PRKN: variants seen among roughly 807,000 people sequenced by gnomAD.
PRKN encodes parkin RBR E3 ubiquitin protein ligase, also known as E3 ubiquitin-protein ligase parkin.
Under a neutral mutation model 59.5 loss-of-function variants are expected in PRKN, and 56 were observed. The ratio of observed to expected loss-of-function variants is 0.94; its 90% CI spans 0.76 to 1.18. The LOEUF is 1.18. Ranked by LOEUF, PRKN falls within the 50% of genes most tolerant of loss-of-function variation. The probability of loss-of-function intolerance (pLI) is 0.00; values close to 1 mark genes in which losing one functional copy is unlikely to be tolerated. For missense variants in PRKN, 657 were observed against 596.4 expected, an observed-to-expected ratio of 1.10 and a Z score of -1.06; for synonymous variants, 250 against 222.1, an observed-to-expected ratio of 1.13 and a Z score of -1.12.
intron 7 of PRKN, chr6:161,783,622 G>A: frequency 2.0e-6 from 1 of 499,932 alleles, no homozygotes; most frequent in East Asian, 5.6e-5. Flanking sequence ...GTGAAGGGAA[G>A]ACTTGAAAAT....
At chr6:162,472,115 C>A (rs183430272) in intron 1 of PRKN, among the ~76,000 whole-genome samples, 2 of 152,244 alleles carry the variant, frequency 1.3e-5, no homozygotes, top group East Asian at 3.9e-4. Context: ...TAGGAAGATA[C>A]ACTTAATGAA....
At chr6:162,177,763 G>A (rs1783607028) in intron 4 of PRKN, among the ~76,000 whole-genome samples, 1 of 152,132 alleles carries the variant, frequency 6.6e-6, no homozygotes, top group Non-Finnish European at 1.5e-5. Context: ...ATTAAAGAGA[G>A]TGCTTTGCAC....
At chr6:162,371,439 T>G (rs1390621714) in intron 2 of PRKN, among the ~76,000 whole-genome samples, 1 of 152,142 alleles carries the variant, frequency 6.6e-6, no homozygotes, top group East Asian at 1.9e-4. Context: ...TCAGCTGAAT[T>G]CTGGGATGTG....
At chr6:162,422,919 C>A (rs530801871) in intron 2 of PRKN, among the ~76,000 whole-genome samples, 32 of 134,114 alleles carry the variant, frequency 2.4e-4, no homozygotes, top group Non-Finnish European at 4.6e-4. Context: ...GCGCTCCAGC[C>A]TGGGCGACAG....
In PRKN at chr6:161,671,162, A is replaced by T. The variant is rs538143931; in HGVS notation, c.872-101746T>A. On this transcript the variant is annotated intron_variant, in intron 7 of 11. Coordinates refer to ENST00000366898, the MANE Select transcript of PRKN (RefSeq NM_004562.3). ...GCGCAGATGGGATACCTGCATGGGGAGGGGCTTGTGTCTTGCTCTCAGAAA... is the reference window on the plus strand; with the variant it reads ...GCGCAGATGGGATACCTGCATGGGGTGGGGCTTGTGTCTTGCTCTCAGAAA... Among the ~76,000 whole-genome samples, 257 of 152,164 alleles carry T rather than the reference A, an allele frequency of 1.7e-3. 1 individual carries two copies. The highest frequency in any genetic ancestry group is 2.2e-3 in the Non-Finnish European group (151 of 68,012).
rs1785338559 is a variant in PRKN, at chr6:161,369,120, A to G, written c.1168-8915T>C. ...TAGACCTTTGACTGCCACTTCCGAG[A>G]GGGGATTTCTACCAGGAGGAGCACA... On this transcript the variant is annotated intron_variant, in intron 10 of 11. Transcript: ENST00000366898. The surrounding 1 kb of genome is among the most constrained non-coding windows in gnomAD (Gnocchi z 5.8). Among the ~76,000 whole-genome samples the G allele has an allele frequency of 6.6e-6, 1 of 152,106 alleles. No homozygotes were observed. The highest frequency in any genetic ancestry group is 1.5e-5 in the Non-Finnish European group (1 of 68,018).
chr6:162,641,795 A>G (rs1459972077), intron 1 of PRKN, among the ~76,000 whole-genome samples: 2 of 152,198 alleles, frequency 1.3e-5, no homozygotes, highest in Non-Finnish European at 2.9e-5. Context: ...TTTGGCAGTA[A>G]AGTTTTCATG....
intron 9 of PRKN, among the ~76,000 whole-genome samples, chr6:161,516,336 G>A (rs927132864): frequency 1.5e-4 from 23 of 151,418 alleles, no homozygotes; most frequent in Non-Finnish European, 3.1e-4. Context: ...GTGTGATGGC[G>A]GGTGCCTGTA....
At chr6:161,621,964 C>T (rs1782918426) in intron 7 of PRKN, among the ~76,000 whole-genome samples, 1 of 152,168 alleles carries the variant, frequency 6.6e-6, no homozygotes, top group African/African-American at 2.4e-5. Flanking sequence ...TCCGCTTAAG[C>T]CACCCTCTGT....
intron 6 of PRKN, among the ~76,000 whole-genome samples, chr6:161,937,135 T>C (rs1019640551): frequency 7.2e-5 from 11 of 152,306 alleles, no homozygotes; most frequent in African/African-American, 2.4e-4. Context: ...CTTCAGTCAA[T>C]ACTGTAAAAA....
Position 161,525,953 on chromosome 6 carries a change from C to T in PRKN, c.1083+22901G>A, listed in dbSNP as rs1270398148. On this transcript the variant is annotated intron_variant, in intron 9 of 11. Coordinates refer to ENST00000366898, the MANE Select transcript of PRKN (RefSeq NM_004562.3). This position sits in a 1 kb window ranked among gnomAD's most constrained non-coding sequence, Gnocchi z 4.7. ...TTATACCAATGTCTCAAATATATAA[C>T]AAATATAACAGAAAAGATTAACTGA... Among the ~76,000 whole-genome samples, 3 of 152,054 alleles carry T rather than the reference C, an allele frequency of 2.0e-5. No individual in the cohort carries two copies. The highest frequency in any genetic ancestry group is 1.9e-4 in the East Asian group (1 of 5,192).
At chr6:161,900,926 A>ATTT (rs199852188) in intron 6 of PRKN, among the ~76,000 whole-genome samples, 6 of 83,556 alleles carry the variant, frequency 7.2e-5, no homozygotes, top group Non-Finnish European at 1.5e-4. Context: ...ATATATATAT[A>ATTT]TATTTTTTAG....
chr6:161,975,051 G>T (rs1261724304), intron 5 of PRKN, among the ~76,000 whole-genome samples: 2 of 150,460 alleles, frequency 1.3e-5, no homozygotes, highest in Non-Finnish European at 3.0e-5. Context: ...TATTCTAACA[G>T]TGACTGACAT....
At chr6:162,597,988 T>C (rs1290923551) in intron 1 of PRKN, among the ~76,000 whole-genome samples, 1 of 152,172 alleles carries the variant, frequency 6.6e-6, no homozygotes. Flanking sequence ...AAAAAACAAG[T>C]TTTTATCTGA....
At chr6:161,626,451 A>G (rs1339319918) in intron 7 of PRKN, among the ~76,000 whole-genome samples, 1 of 152,198 alleles carries the variant, frequency 6.6e-6, no homozygotes, top group Non-Finnish European at 1.5e-5. Context: ...AAGAAAAATA[A>G]AGGGAACACA....
At chr6:162,434,787 T>C (rs9365431) in intron 2 of PRKN, among the ~76,000 whole-genome samples, 60,230 of 152,056 alleles carry the variant, frequency 0.4, 13,347 homozygotes, top group African/African-American at 0.61. Flanking sequence ...TACTCCCATA[T>C]GTATTCATCA....
At chr6:162,661,872 C>T (rs1778896648) in intron 1 of PRKN, among the ~76,000 whole-genome samples, 1 of 152,120 alleles carries the variant, frequency 6.6e-6, no homozygotes, top group African/African-American at 2.4e-5. Flanking sequence ...AGGTTTCTTA[C>T]ATGCGTATAC....
intron 1 of PRKN, among the ~76,000 whole-genome samples, chr6:162,488,537 C>T (rs868206826): frequency 6.6e-6 from 1 of 152,180 alleles, no homozygotes; most frequent in Admixed American, 6.5e-5. Context: ...TCTACTCACA[C>T]TTCCTCAGAG....
intron 7 of PRKN, among the ~76,000 whole-genome samples, chr6:161,765,516 T>A (rs1789387460): frequency 6.6e-6 from 1 of 152,316 alleles, no homozygotes; most frequent in East Asian, 1.9e-4. Context: ...ATGCTATACT[T>A]AGCATGAGTG....
Sources: gnomAD v4.1 joint callset for allele counts (sites outside exome capture counted in the v4.1 genomes callset) on GRCh38, gnomAD v4.1.1 for gene constraint, Gnocchi (gnomAD v3.1) non-coding constraint, MANE v1.5 for transcripts, NCBI Gene and HGNC (gene_info 2026-07-23, HGNC 2026-07-21) for gene names.